Variants in MAN1C1 observed in about 807,000 individuals in gnomAD.
MAN1C1 encodes the protein mannosidase alpha class 1C member 1, also known as mannosyl-oligosaccharide 1,2-alpha-mannosidase IC.
Under a neutral mutation model 71.5 loss-of-function variants are expected in MAN1C1, and 49 were observed. The observed-to-expected ratio is 0.69, with a 90% CI of 0.54 to 0.87. The LOEUF is 0.87. MAN1C1 is among the 40% of genes least tolerant of loss of function. The pLI is 0.00. For missense variants in MAN1C1, 743 were observed against 835.0 expected, an observed-to-expected ratio of 0.89 and a Z score of 1.36; for synonymous variants, 352 against 343.7, an observed-to-expected ratio of 1.02 and a Z score of -0.27.
chr1:25,652,785 G>T (rs975486409), intron 1 of MAN1C1, among the ~76,000 whole-genome samples: 1 of 152,180 alleles, frequency 6.6e-6, no homozygotes, highest in African/African-American at 2.4e-5. Context: ...TGCCTGGCCC[G>T]TAGGAGGTGT....
At chr1:25,708,128 A>G (rs561225023) in intron 2 of MAN1C1, among the ~76,000 whole-genome samples, 4 of 152,370 alleles carry the variant, frequency 2.6e-5, no homozygotes, top group South Asian at 2.1e-4. Flanking sequence ...TGGCTACTCC[A>G]TAGGCAGAAC....
At chr1:25,668,620 ATCTCGGC>A (rs1197294567) in intron 1 of MAN1C1, among the ~76,000 whole-genome samples, 1 of 149,526 alleles carries the variant, frequency 6.7e-6, no homozygotes, top group Non-Finnish European at 1.5e-5. Context: ...CAGTGGCACG[ATCTCGGC>A]TCACTGCAAC....
At chr1:25,767,500 C>T (rs1477974988) in intron 7 of MAN1C1, among the ~76,000 whole-genome samples, 3 of 141,676 alleles carry the variant, frequency 2.1e-5, no homozygotes, top group African/African-American at 8.0e-5. Flanking sequence ...TCCACACTTC[C>T]CTCACACACA....
intron 1 of MAN1C1, among the ~76,000 whole-genome samples, chr1:25,621,702 C>T (rs2045213536): frequency 6.6e-6 from 1 of 152,054 alleles, no homozygotes; most frequent in Non-Finnish European, 1.5e-5. Flanking sequence ...TGGCTCACTG[C>T]AGCCTCCGCC....
intron 2 of MAN1C1, among the ~76,000 whole-genome samples, chr1:25,724,226 A>G (rs2046804693): frequency 6.6e-6 from 1 of 151,964 alleles, no homozygotes; most frequent in South Asian, 2.1e-4. Context: ...ATGGGGTTTC[A>G]CCTTGTTGGC....
At chr1:25,714,076 A>C (rs866818367) in intron 2 of MAN1C1, among the ~76,000 whole-genome samples, 2 of 152,354 alleles carry the variant, frequency 1.3e-5, no homozygotes, top group African/African-American at 4.8e-5. Flanking sequence ...AGTTCAAATT[A>C]TTCTCTTAAT....
intron 1 of MAN1C1, among the ~76,000 whole-genome samples, chr1:25,675,202 C>T (rs2046047139): frequency 6.6e-6 from 1 of 152,052 alleles, no homozygotes; most frequent in Non-Finnish European, 1.5e-5. Flanking sequence ...TTATACTGTA[C>T]CCAATATGTA....
At chr1:25,688,616 G>A (rs1217600482) in intron 2 of MAN1C1, among the ~76,000 whole-genome samples, 2 of 152,248 alleles carry the variant, frequency 1.3e-5, no homozygotes, top group South Asian at 2.1e-4. Context: ...GCCTGGTGGC[G>A]CATGCTTGAG....
chr1:25,696,409 AT>A (rs58557558), intron 2 of MAN1C1, among the ~76,000 whole-genome samples: 33,690 of 148,944 alleles, frequency 0.23, 6,099 homozygotes, highest in African/African-American at 0.5. Context: ...TTGAGCCTCT[AT>A]TTTTTTTTTG....
chr1:25,681,309 A>G (rs1299041689), intron 1 of MAN1C1, among the ~76,000 whole-genome samples: 1 of 152,174 alleles, frequency 6.6e-6, no homozygotes, highest in Non-Finnish European at 1.5e-5. Context: ...GTGGATGGGG[A>G]CAACCCGGAG....
intron 2 of MAN1C1, among the ~76,000 whole-genome samples, chr1:25,706,523 G>C (rs558856298): frequency 5.3e-5 from 8 of 151,960 alleles, no homozygotes; most frequent in Admixed American, 2.6e-4. Context: ...GGACTCTGGC[G>C]GGGGGGAATC....
intron 1 of MAN1C1, among the ~76,000 whole-genome samples, chr1:25,685,523 G>A (rs1490443879): frequency 6.6e-6 from 1 of 152,246 alleles, no homozygotes; most frequent in African/African-American, 2.4e-5. Flanking sequence ...GCAGGGTTGG[G>A]GGTGGACTGT....
In MAN1C1 at chr1:25,769,510, TC is replaced by T. The variant is rs1340506608; in HGVS notation, c.1142-2143del. Among the ~76,000 whole-genome samples the T allele has an allele frequency of 6.6e-6, 1 of 152,012 alleles. No individual in the cohort carries two copies. The highest frequency in any genetic ancestry group is 2.4e-5 in the African/African-American group (1 of 41,352). ...CGCGGACCCTAATGACCTGGCTCCC[TC>T]CCCTGCGTGCCCCTCCAGAGGAAGC... On this transcript the variant is annotated intron_variant, in intron 7 of 11. Transcript: ENST00000374332. The surrounding 1 kb of genome is among the most constrained non-coding windows in gnomAD (Gnocchi z 4.8).
intron 2 of MAN1C1, among the ~76,000 whole-genome samples, chr1:25,727,497 A>G (rs1285585739): frequency 6.6e-6 from 1 of 152,200 alleles, no homozygotes; most frequent in Non-Finnish European, 1.5e-5. Context: ...GCAGGACAAA[A>G]TGGCCTTGCC....
rs200863597 is a variant in MAN1C1 at position 25,746,749 on chromosome 1, A to C, written c.719A>C (p.Lys240Thr). The stretch of plus-strand genomic sequence containing the variant: ...CTGAAGGAGGAGTTCCAGGAGGCCA[A>C]GGCCTGGGTGGGAGAGAGCTTCCAC... ...MELKEEFQEA[K>T]AWVGESFHLN... The change falls in exon 3 of 12, where the codon AAG (lysine) becomes ACG (threonine). Residue 240 changes from lysine to threonine, a missense_variant. Transcript: ENST00000374332. The surrounding 1 kb of genome is among the most constrained non-coding windows in gnomAD (Gnocchi z 4.0). 2.6e-4 allele frequency: 383 copies of C among 1,452,490 alleles called. No homozygotes were observed. The highest frequency in any genetic ancestry group is 3.2e-4 in the Non-Finnish European group (347 of 1,084,684). The allele number at this position is 1,452,490 out of a possible 1,614,324, so 90.0% of individuals were successfully genotyped here.
chr1:25,735,713 C>T lies in MAN1C1; in HGVS notation c.638-10955C>T, dbSNP rs1346827153. Reference sequence around the variant, plus strand: ...TTATCTAGGCTGCATCTAGCTAGATCCAAGTCTGCTCTGCACATATCTCAT... The same window carrying T: ...TTATCTAGGCTGCATCTAGCTAGATTCAAGTCTGCTCTGCACATATCTCAT... On this transcript the variant is annotated intron_variant, in intron 2 of 11. Transcript: ENST00000374332. This position sits in a 1 kb window ranked among gnomAD's most constrained non-coding sequence, Gnocchi z 4.6. 6.6e-6 allele frequency among the ~76,000 whole-genome samples: 1 copy of T among 152,110 alleles called. No individual in the cohort carries two copies. The highest frequency in any genetic ancestry group is 1.5e-5 in the Non-Finnish European group (1 of 68,028).
intron 5 of MAN1C1, among the ~76,000 whole-genome samples, chr1:25,758,255 G>A (rs2047315371): frequency 6.6e-6 from 1 of 152,198 alleles, no homozygotes; most frequent in Non-Finnish European, 1.5e-5. Context: ...GGTCTTTGTG[G>A]CCCCTGATAG....
intron 1 of MAN1C1, chr1:25,646,325 G>C (rs557018590): frequency 6.6e-6 from 1 of 152,296 alleles, no homozygotes; most frequent in African/African-American, 2.4e-5. Flanking sequence ...AGGCCTGGCC[G>C]CTTGGAGATG....
At chr1:25,669,227 T>C (rs1040103812) in intron 1 of MAN1C1, among the ~76,000 whole-genome samples, 2 of 152,142 alleles carry the variant, frequency 1.3e-5, no homozygotes, top group Admixed American at 6.5e-5. Flanking sequence ...GGAGGCAGCA[T>C]AGGAATGAGA....
Sources: gnomAD v4.1 joint callset for allele counts (sites outside exome capture counted in the v4.1 genomes callset) on GRCh38, gnomAD v4.1.1 for gene constraint, Gnocchi (gnomAD v3.1) non-coding constraint, MANE v1.5 for transcripts, NCBI Gene and HGNC (gene_info 2026-07-23, HGNC 2026-07-21) for gene names.